Variants in XKR9 observed in about 807,000 individuals in gnomAD.
XKR9 encodes XK-related protein 9.
XKR9 carries 32 observed loss-of-function variants against 32.0 expected under a neutral mutation model. The observed-to-expected ratio is 1.00, with a 90% CI of 0.76 to 1.34. The LOEUF (loss-of-function observed/expected upper bound fraction) is 1.34. Among genes scored for constraint, XKR9 ranks in the 40% most tolerant of loss-of-function variants. The probability of loss-of-function intolerance (pLI) is 0.00; values close to 1 mark genes in which losing one functional copy is unlikely to be tolerated. For missense variants in XKR9, 546 were observed against 429.7 expected (o/e 1.27, Z -2.39); for synonymous variants, 168 against 143.4 (o/e 1.17, Z -1.22).
chr8:70,975,915 C>T, the XKR9 span, among the ~76,000 whole-genome samples: 33 of 152,226 alleles, frequency 2.2e-4, no homozygotes, highest in African/African-American at 7.5e-4. Context: ...TCTTTTATTT[C>T]GTTGAGCAGT....
the XKR9 span, among the ~76,000 whole-genome samples, chr8:70,958,527 T>G: frequency 2.0e-5 from 3 of 152,226 alleles, no homozygotes; most frequent in African/African-American, 7.2e-5. Flanking sequence ...GCTCATGTCC[T>G]TTGCCCACTT....
At chr8:70,851,380 G>C in the XKR9 span, among the ~76,000 whole-genome samples, 4 of 152,248 alleles carry the variant, frequency 2.6e-5, no homozygotes, top group African/African-American at 9.6e-5. Context: ...TAGATTCAAT[G>C]CTATTCCCAT....
chr8:70,871,416 C>G, the XKR9 span, among the ~76,000 whole-genome samples: 8 of 152,046 alleles, frequency 5.3e-5, no homozygotes, highest in Admixed American at 4.6e-4. Flanking sequence ...GCCATTTTTC[C>G]AATAGCACAT....
At chr8:70,701,025 T>G (rs981639073) in intron 3 of XKR9, among the ~76,000 whole-genome samples, 2 of 152,184 alleles carry the variant, frequency 1.3e-5, no homozygotes, top group Non-Finnish European at 2.9e-5. Context: ...GTGCCGTTTT[T>G]TAAGCCCCTC....
chr8:70,846,672 G>A, the XKR9 span, among the ~76,000 whole-genome samples: 3 of 151,858 alleles, frequency 2.0e-5, no homozygotes, highest in Non-Finnish European at 4.4e-5. Flanking sequence ...TGCACTAAAA[G>A]CAAAGAGATG....
chr8:70,739,968 G>A (rs1806941277), downstream of XKR9, among the ~76,000 whole-genome samples: 1 of 152,154 alleles, frequency 6.6e-6, no homozygotes, highest in Admixed American at 6.5e-5. Flanking sequence ...TTCTTGAGGA[G>A]TATCTTTGTG....
chr8:70,842,252 C>A, the XKR9 span, among the ~76,000 whole-genome samples: 1 of 152,060 alleles, frequency 6.6e-6, no homozygotes, highest in South Asian at 2.1e-4. Flanking sequence ...ATAAGATGCA[C>A]CTTTATGCTG....
At chr8:71,028,253 A>T in the XKR9 span, among the ~76,000 whole-genome samples, 86,404 of 152,004 alleles carry the variant, frequency 0.57, 25,639 homozygotes, top group African/African-American at 0.64. Context: ...AGTGATTTAT[A>T]GTTTTTAGTA....
downstream of XKR9, among the ~76,000 whole-genome samples, chr8:70,791,489 C>A (rs558691814): frequency 6.6e-6 from 1 of 152,006 alleles, no homozygotes; most frequent in Non-Finnish European, 1.5e-5. Context: ...GGTGATTAGG[C>A]CACGAGGGCT....
the XKR9 span, among the ~76,000 whole-genome samples, chr8:70,814,613 A>G: frequency 1.3e-5 from 2 of 152,272 alleles, no homozygotes; most frequent in East Asian, 1.9e-4. Context: ...TAAAGGCCAT[A>G]TATGACAAAA....
the XKR9 span, among the ~76,000 whole-genome samples, chr8:70,918,611 G>T: frequency 6.6e-6 from 1 of 151,602 alleles, no homozygotes; most frequent in Admixed American, 6.6e-5. Flanking sequence ...AAAACTAAAG[G>T]TTTCCTAGGA....
At chr8:70,764,244 G>A (rs943612725) in intron 2 of XKR9, among the ~76,000 whole-genome samples, 1 of 152,154 alleles carries the variant, frequency 6.6e-6, no homozygotes, top group African/African-American at 2.4e-5. Flanking sequence ...TCTTTACTCT[G>A]CTGGGACTGT....
At chr8:71,041,561 C>G in the XKR9 span, among the ~76,000 whole-genome samples, 1 of 152,106 alleles carries the variant, frequency 6.6e-6, no homozygotes, top group East Asian at 1.9e-4. Flanking sequence ...TGGTTTGGCT[C>G]TGTGTCCCCA....
At chr8:70,810,968 C>A in the XKR9 span, among the ~76,000 whole-genome samples, 4 of 152,182 alleles carry the variant, frequency 2.6e-5, no homozygotes, top group Non-Finnish European at 4.4e-5. Flanking sequence ...AGCCTCCACC[C>A]CAAATCAACA....
chr8:70,770,288 G>A (rs1338029948), intron 2 of XKR9, among the ~76,000 whole-genome samples: 2 of 152,152 alleles, frequency 1.3e-5, no homozygotes, highest in African/African-American at 4.8e-5. Flanking sequence ...GAACAGCAAA[G>A]ATTGCTGCCT....
At chr8:71,062,599 A>G in the XKR9 span, among the ~76,000 whole-genome samples, 112 of 152,286 alleles carry the variant, frequency 7.4e-4, no homozygotes, top group African/African-American at 2.6e-3. Context: ...CTGGGTTAAT[A>G]TATTTTCCTG....
chr8:71,022,195 G>A, the XKR9 span, among the ~76,000 whole-genome samples: 5,820 of 152,176 alleles, frequency 0.038, 374 homozygotes, highest in African/African-American at 0.13. Context: ...TTGTCTATGT[G>A]TCTGTTTTTG....
chr8:70,842,407 G>A, the XKR9 span, among the ~76,000 whole-genome samples: 7 of 152,128 alleles, frequency 4.6e-5, no homozygotes, highest in African/African-American at 1.7e-4. Flanking sequence ...TAGTTCCTTT[G>A]AATGTAGACT....
chr8:70,684,141 T>TGTTTCTCTTGCTTAGG (rs1179534316), intron 3 of XKR9, among the ~76,000 whole-genome samples: 82 of 152,288 alleles, frequency 5.4e-4, no homozygotes, highest in Admixed American at 2.6e-3. Context: ...ATGTAGATTT[T>TGTTTCTCTTGCTTAGG]ATTTCTCTTG....
Sources: gnomAD v4.1 joint callset for allele counts (sites outside exome capture counted in the v4.1 genomes callset) on GRCh38, gnomAD v4.1.1 for gene constraint, MANE v1.5 for transcripts, NCBI Gene and HGNC (gene_info 2026-07-23, HGNC 2026-07-21) for gene names.